Variants in TCP11L2 observed in about 807,000 individuals in gnomAD.
The protein encoded by TCP11L2 is T-complex protein 11-like protein 2.
A neutral mutation model predicts 50.7 loss-of-function variants in TCP11L2; 39 were observed. That is an observed-to-expected ratio of 0.77 (90% CI 0.60 to 1.01). The LOEUF is 1.01. Among genes scored for constraint, TCP11L2 ranks in the 50% least tolerant of loss-of-function variants. The pLI, the probability that TCP11L2 is intolerant of heterozygous loss-of-function variation, is 0.00. For synonymous variants in TCP11L2, 192 were observed against 219.3 expected (o/e 0.88, Z 1.10); for missense variants, 612 against 614.7 (o/e 1.00, Z 0.05).
intron 9 of TCP11L2, among the ~76,000 whole-genome samples, chr12:106,343,858 C>T (rs2036159508): frequency 6.6e-6 from 1 of 151,762 alleles, no homozygotes; most frequent in African/African-American, 2.4e-5. Flanking sequence ...GGGGTTCCAC[C>T]ATATTGGCCA....
chr12:106,341,986 G>A (rs2036105276), intron 9 of TCP11L2, among the ~76,000 whole-genome samples: 1 of 152,174 alleles, frequency 6.6e-6, no homozygotes, highest in African/African-American at 2.4e-5. Context: ...CCTGATGAGA[G>A]TAGGGAGGAG....
intron 8 of TCP11L2, 103 bp from the exon 9 acceptor site, chr12:106,340,723 A>T (rs996823328): frequency 2.1e-6 from 2 of 950,990 alleles, no homozygotes; most frequent in Non-Finnish European, 3.0e-6. Flanking sequence ...TATTGTCTGT[A>T]TAAGAGAAAT....
At position 106,339,172 on chromosome 12, in the gene TCP11L2, A is replaced by G. The variant is rs367634409; in HGVS notation, c.1143-1654A>G. 1.0e-3 allele frequency among the ~76,000 whole-genome samples: 157 copies of G among 152,250 alleles called. 4 individuals are homozygous for G. In the East Asian group the frequency reaches 0.017, roughly 16 times the overall value. ...AAGAAAAGAAAAGAAAAAAATAGCC[A>G]TTCAGACTGGTATGAGATGGTATCT... On this transcript the variant is annotated intron_variant, in intron 8 of 9. Coordinates refer to ENST00000299045, the MANE Select transcript of TCP11L2 (RefSeq NM_152772.3).
At chr12:106,315,153 G>A (rs930554135) in intron 3 of TCP11L2, among the ~76,000 whole-genome samples, 15 of 151,962 alleles carry the variant, frequency 9.9e-5, no homozygotes, top group Admixed American at 2.0e-4. Flanking sequence ...GGAGAATTGC[G>A]TGAACCCAGG....
chr12:106,324,952 T>G (rs1340877441), intron 6 of TCP11L2: 1 of 152,164 alleles, frequency 6.6e-6, no homozygotes, highest in Non-Finnish European at 1.5e-5. Flanking sequence ...CATTTAGATA[T>G]GAATTATGAG....
chr12:106,346,404 T>C lies in TCP11L2; in HGVS notation c.1434T>C (p.Ser478=), dbSNP rs774814651. Residue 478 remains serine, a synonymous_variant, in exon 10 of 10, where the codon TCT becomes TCC. Coordinates refer to ENST00000299045, the MANE Select transcript of TCP11L2 (RefSeq NM_152772.3). ...AGCAGGAGCTAGAAGCCCTAGGCTC[T>C]CAATATGCAAACATTGTGAATCTCA... The part of the protein sequence containing the change: ...VIQQELEALG[S]QYANIVNLNK... The C allele has an allele frequency of 1.9e-6, 3 of 1,614,226 alleles. No homozygotes were observed. Among genetic ancestry groups the C allele is most frequent in the Non-Finnish European group, 2.5e-6 (3 of 1,180,038 alleles).
At chr12:106,333,174 GAT>G (rs2136782089) in intron 6 of TCP11L2, among the ~76,000 whole-genome samples, 1 of 152,262 alleles carries the variant, frequency 6.6e-6, no homozygotes, top group South Asian at 2.1e-4. Flanking sequence ...TCAGTTTCCT[GAT>G]TTTGACAATA....
intron 6 of TCP11L2, among the ~76,000 whole-genome samples, chr12:106,328,930 C>T (rs2246627): frequency 0.23 from 34,469 of 152,058 alleles, 5,477 homozygotes; most frequent in East Asian, 0.72. Flanking sequence ...GTCGGCTCTG[C>T]TGGGCACGTG....
intron 4 of TCP11L2, among the ~76,000 whole-genome samples, chr12:106,319,919 T>C (rs1039950132): frequency 1.3e-5 from 2 of 152,268 alleles, no homozygotes; most frequent in African/African-American, 2.4e-5. Context: ...ATTCTATATG[T>C]AAAATATACT....
At chr12:106,324,982 CTG>C (rs1349163442) in intron 6 of TCP11L2, 2 of 152,144 alleles carry the variant, frequency 1.3e-5, no homozygotes, top group East Asian at 1.9e-4. Flanking sequence ...ATAATGGAAA[CTG>C]TATATGTATT....
chr12:106,299,117 A>AT (rs2034379530), upstream of TCP11L2, among the ~76,000 whole-genome samples: 1 of 151,870 alleles, frequency 6.6e-6, no homozygotes, highest in Non-Finnish European at 1.5e-5. Flanking sequence ...TGCCCAGCCC[A>AT]TTTTTTTGCT....
rs570884487 is a variant in TCP11L2, at chr12:106,330,147, A to G, written c.773-5492A>G. 5.8e-5 allele frequency: 57 copies of G among 985,468 alleles called. No homozygotes were observed. In the African/African-American group the frequency reaches 9.1e-4, roughly 16 times the overall value. 61.0% of individuals were successfully genotyped at this position (985,468 alleles called of 1,614,324 possible). ...CTTAGAACTGGGCCTAAAGCAAAAT[A>G]AAGTGAATTTTGTCCTAAGGCAGAC... On this transcript the variant is annotated intron_variant, in intron 6 of 9. Coordinates refer to ENST00000299045, the MANE Select transcript of TCP11L2 (RefSeq NM_152772.3).
chr12:106,328,162 A>AG lies in TCP11L2; in HGVS notation c.772+4520dup, dbSNP rs534743364. On this transcript the variant is annotated intron_variant, in intron 6 of 9. Transcript: ENST00000299045. ...TGTGATTGCCTTCACCTGTCACATG[A>AG]GGGGTTCAAGAAATATTTATGGAAT... 2.6e-3 allele frequency among the ~76,000 whole-genome samples: 389 copies of AG among 152,376 alleles called. 4 individuals are homozygous for AG. Among genetic ancestry groups the AG allele is most frequent in the African/African-American group, 8.8e-3 (367 of 41,602 alleles).
intron 9 of TCP11L2, among the ~76,000 whole-genome samples, chr12:106,344,137 A>G (rs1034860017): frequency 2.0e-5 from 3 of 151,658 alleles, no homozygotes; most frequent in Non-Finnish European, 2.9e-5. Context: ...TGGGCAACAG[A>G]TGGAGACCCT....
At chr12:106,314,562 T>TGC in intron 3 of TCP11L2, 69 bp downstream of exon 3, 1 of 962,078 alleles carries the variant, frequency 1.0e-6, no homozygotes, top group Non-Finnish European at 1.5e-6. Context: ...TGTGTGTGTG[T>TGC]GTGTGTGTGT....
chr12:106,306,116 AGTGGT>A (rs1257008873), intron 1 of TCP11L2, among the ~76,000 whole-genome samples: 2 of 152,212 alleles, frequency 1.3e-5, no homozygotes, highest in Admixed American at 1.3e-4. Context: ...CTTGTAATAG[AGTGGT>A]ATTTAAGCTA....
At chr12:106,337,307 C>T (rs1393476639) in intron 8 of TCP11L2, among the ~76,000 whole-genome samples, 1 of 152,148 alleles carries the variant, frequency 6.6e-6, no homozygotes, top group Non-Finnish European at 1.5e-5. Context: ...TTACAGAATC[C>T]AACTTCTCAT....
chr12:106,314,274 A>G, intron 2 of TCP11L2, 84 bp from the exon 3 acceptor site: 1 of 1,427,638 alleles, frequency 7.0e-7, no homozygotes, highest in South Asian at 1.3e-5. Context: ...CATTCTGATA[A>G]ATTAAACCTT....
At chr12:106,338,603 T>C (rs1261840734) in intron 8 of TCP11L2, among the ~76,000 whole-genome samples, 1 of 152,240 alleles carries the variant, frequency 6.6e-6, no homozygotes, top group East Asian at 1.9e-4. Flanking sequence ...TTTGCTGTTG[T>C]GAATAGTGCT....
Sources: allele counts gnomAD v4.1 joint callset (sites outside exome capture counted in the v4.1 genomes callset), GRCh38; gene constraint gnomAD v4.1.1; transcripts MANE v1.5; gene names NCBI Gene and HGNC (gene_info 2026-07-23, HGNC 2026-07-21).